The following CYFIP1 variants were observed in gnomAD, a reference collection of about 807,000 sequenced individuals.
CYFIP1 encodes cytoplasmic FMR1-interacting protein 1.
Under a neutral mutation model 163.5 loss-of-function variants are expected in CYFIP1, and 58 were observed. That is an observed-to-expected ratio of 0.35 (90% CI 0.29 to 0.44). The LOEUF is 0.44. Ranked by LOEUF, CYFIP1 falls within the 20% of genes least tolerant of loss-of-function variation. The pLI is 1.00. For missense variants in CYFIP1, 1,338 were observed against 1,653.8 expected, an observed-to-expected ratio of 0.81 and a Z score of 3.31; for synonymous variants, 663 against 660.7, an observed-to-expected ratio of 1.00 and a Z score of -0.05.
At chr15:22,873,875 T>C (rs1403391410) in intron 28 of CYFIP1, 146 bp from the exon 29 acceptor site, 3 of 743,650 alleles carry the variant, frequency 4.0e-6, no homozygotes, top group Admixed American at 2.3e-5. Context: ...CGCTGCAGCC[T>C]TGACTTCCCA....
Position 22,972,974 on chromosome 15 carries a change from A to G in CYFIP1, c.-7+7313T>C, listed in dbSNP as rs2063149819. 2.0e-5 allele frequency among the ~76,000 whole-genome samples: 3 copies of G among 152,198 alleles called. No homozygotes were observed. In the South Asian group the frequency reaches 6.2e-4, roughly 32 times the overall value. ...AACATGGTGAAACCCTGCCTCCACT[A>G]AAAATACAAAAATTAGCCGGGCATG... On this transcript the variant is annotated intron_variant, in intron 1 of 30. Transcript: ENST00000617928.
At chr15:22,916,916 C>T in intron 15 of CYFIP1, 2 of 1,551,774 alleles carry the variant, frequency 1.3e-6, no homozygotes, top group Non-Finnish European at 8.7e-7. Flanking sequence ...AGGTGCACGA[C>T]TGCCTCAGAA....
chr15:22,885,082 C>T lies in CYFIP1; in HGVS notation c.2677-2071G>A, dbSNP rs184987199. Among the ~76,000 whole-genome samples, 31 of 152,192 alleles carry T rather than the reference C, an allele frequency of 2.0e-4. 1 individual carries two copies. The highest frequency in any genetic ancestry group is 7.2e-4 in the African/African-American group (30 of 41,528). On this transcript the variant is annotated intron_variant, in intron 23 of 30. Coordinates refer to ENST00000617928, the MANE Select transcript of CYFIP1 (RefSeq NM_014608.6). ...GGGTTTATGATGGGAGGGGCTGCCT[C>T]GTACATGTCCTGGAGACATTTTCCC... is the stretch of plus-strand genomic sequence containing the variant.
intron 17 of CYFIP1, among the ~76,000 whole-genome samples, chr15:22,913,286 TG>T (rs1206702813): frequency 6.6e-6 from 1 of 151,160 alleles, no homozygotes. Flanking sequence ...CCCAGCACTT[TG>T]GGAGGCCGAG....
At chr15:22,908,561 GCT>G (rs976420319) in intron 21 of CYFIP1, among the ~76,000 whole-genome samples, 7 of 101,658 alleles carry the variant, frequency 6.9e-5, no homozygotes, top group African/African-American at 2.5e-4. Context: ...ACAGAGTCTT[GCT>G]CTGTCGCCCA....
rs576841845 is a variant in CYFIP1, at chr15:22,949,708, C to A, written c.-6-2417G>T. On this transcript the variant is annotated intron_variant, in intron 1 of 30. Transcript: ENST00000617928. The stretch of plus-strand genomic sequence containing the variant: ...ATCATATAAACAAGACAACTGTAAT[C>A]TAAAAGGGGGAGGGGAAACCTGGAT... Among the ~76,000 whole-genome samples the A allele has an allele frequency of 3.4e-4, 51 of 151,978 alleles. 3 individuals carry two copies. In the South Asian group the frequency reaches 9.4e-3, roughly 28 times the overall value.
At position 22,939,225 on chromosome 15, in the gene CYFIP1, A is replaced by G. The variant is rs374958216; in HGVS notation, c.762T>C (p.Tyr254=). ...GCATGTGTTTCTCACTGGGCGTCAA[A>G]TACATCCTGTTCTCGTAGTAATCCA... The part of the protein sequence containing the change: ...LCVDYYENRM[Y]LTPSEKHMLL... Residue 254 remains tyrosine (Y), a synonymous_variant, in exon 8 of 31, where the codon TAT becomes TAC. Coordinates refer to ENST00000617928, the MANE Select transcript of CYFIP1 (RefSeq NM_014608.6). The G allele has an allele frequency of 5.6e-6, 9 of 1,614,196 alleles. No individual in the cohort carries two copies. In the South Asian group the frequency reaches 9.9e-5, roughly 18 times the overall value.
intron 11 of CYFIP1, among the ~76,000 whole-genome samples, chr15:22,931,686 G>GGAAAAAAAAAAAA (rs2061539568): frequency 5.0e-5 from 2 of 39,720 alleles, no homozygotes; most frequent in Non-Finnish European, 8.9e-5. Flanking sequence ...ATGTTTTTCT[G>GGAAAAAAAAAAAA]AAAAAAAAAA....
At chr15:22,899,387 C>G (rs2040504923) in intron 22 of CYFIP1, among the ~76,000 whole-genome samples, 1 of 152,084 alleles carries the variant, frequency 6.6e-6, no homozygotes, top group Non-Finnish European at 1.5e-5. Flanking sequence ...GTGTCCCCAC[C>G]CAAATCTCAT....
Position 22,917,292 on chromosome 15 carries a change from G to C in CYFIP1, c.1674+496C>G. 7.4e-7 allele frequency: 1 copy of C among 1,358,888 alleles called. No individual in the cohort carries two copies. Among genetic ancestry groups the C allele is most frequent in the South Asian group, 1.9e-5 (1 of 51,696 alleles). 84.2% of individuals were successfully genotyped at this position (1,358,888 alleles called of 1,614,324 possible). On this transcript the variant is annotated intron_variant, in intron 15 of 30. Transcript: ENST00000617928. This position sits in a 1 kb window ranked among gnomAD's most constrained non-coding sequence, Gnocchi z 4.2. ...ACCAGCCCCAGGACGGAGGACAGAC[G>C]CAGCGGTGTGGATTAAACCGGGTGT... is the stretch of plus-strand genomic sequence containing the variant.
chr15:22,943,168 C>A lies in CYFIP1; in HGVS notation c.569+5G>T. On this transcript the variant is annotated splice_donor_5th_base_variant and intron_variant, in intron 6 of 30. Transcript: ENST00000617928. ...GGGCCCGCAGTGCGCGAGGTGGGTG[C>A]TCACCTCTTGTACGCTGAGTGGTCG... 1 of 1,613,870 alleles carries A rather than the reference C, an allele frequency of 6.2e-7. No individual in the cohort carries two copies. Among genetic ancestry groups the A allele is most frequent in the Non-Finnish European group, 8.5e-7 (1 of 1,179,864 alleles).
At chr15:22,958,544 G>C (rs552378074) in intron 1 of CYFIP1, among the ~76,000 whole-genome samples, 1 of 152,210 alleles carries the variant, frequency 6.6e-6, no homozygotes, top group Non-Finnish European at 1.5e-5. Flanking sequence ...AAGAGAGCAC[G>C]TCTCCACGCC....
chr15:22,897,079 G>A (rs1406956274), intron 22 of CYFIP1, among the ~76,000 whole-genome samples: 8 of 152,058 alleles, frequency 5.3e-5, no homozygotes, highest in Non-Finnish European at 1.2e-4. Context: ...CAGGCGTGGT[G>A]GCACATGCCT....
At chr15:22,943,380 A>G in intron 5 of CYFIP1, 26 bp from the exon 6 acceptor site, 1 of 1,609,682 alleles carries the variant, frequency 6.2e-7, no homozygotes, top group South Asian at 1.1e-5. Flanking sequence ...AGGAGGGCAG[A>G]AAGCTGCAGG....
rs755241461 is a variant in CYFIP1 at position 22,868,467 on chromosome 15, TTAAG to T, written c.*1557_*1560del. ...AAGCCTTATAAAACTTGGTAATTGA[TTAAG>T]TTTTACCATAATTTTTCATCCTATT... On this transcript the variant is annotated 3_prime_UTR_variant, in exon 31 of 31. Transcript: ENST00000617928. 4 of 151,938 alleles carry T rather than the reference TTAAG, an allele frequency of 2.6e-5. No individual in the cohort carries two copies. The highest frequency in any genetic ancestry group is 5.9e-5 in the Non-Finnish European group (4 of 68,032). The allele number at this position is 151,938 out of a possible 1,614,324, so 9.4% of individuals were successfully genotyped here. A position where few individuals can be genotyped will look rare whatever the true frequency, so the allele number is the denominator to read the frequency against.
Position 22,909,830 on chromosome 15 carries a change from G to A in CYFIP1, c.2269-517C>T, listed in dbSNP as rs371791725. Among the ~76,000 whole-genome samples the A allele has an allele frequency of 2.7e-4, 41 of 152,166 alleles. No homozygotes were observed. In the South Asian group the frequency reaches 4.8e-3, roughly 18 times the overall value. ...ATGCAATGTGAATCTTTTTTTAAAA[G>A]CTGTAAAAAATAAGCACTGTATATC... is the stretch of plus-strand genomic sequence containing the variant. On this transcript the variant is annotated intron_variant, in intron 20 of 30. Transcript: ENST00000617928.
intron 23 of CYFIP1, among the ~76,000 whole-genome samples, chr15:22,887,834 C>T (rs1365049504): frequency 6.6e-6 from 1 of 152,164 alleles, no homozygotes; most frequent in East Asian, 1.9e-4. Context: ...TGTCCAGTCA[C>T]ACAGCTCAGT....
intron 3 of CYFIP1, among the ~76,000 whole-genome samples, 185 bp from the exon 4 acceptor site, chr15:22,945,124 A>T (rs1177991069): frequency 3.9e-5 from 6 of 152,164 alleles, no homozygotes; most frequent in Non-Finnish European, 8.8e-5. Context: ...ATGACCACCC[A>T]AAACACCCCA....
chr15:22,914,141 T>G (rs1028373312), intron 17 of CYFIP1, among the ~76,000 whole-genome samples: 5 of 152,152 alleles, frequency 3.3e-5, no homozygotes, highest in African/African-American at 1.2e-4. Flanking sequence ...CCACTTCATC[T>G]GGGTCAGAGG....
Sources: gnomAD v4.1 joint callset for allele counts (sites outside exome capture counted in the v4.1 genomes callset) on GRCh38, gnomAD v4.1.1 for gene constraint, Gnocchi (gnomAD v3.1) non-coding constraint, MANE v1.5 for transcripts, NCBI Gene and HGNC (gene_info 2026-07-23, HGNC 2026-07-21) for gene names.